ZNF521: variants seen among roughly 807,000 people sequenced by gnomAD.
ZNF521 encodes zinc finger protein 521.
A neutral mutation model predicts 105.5 loss-of-function variants in ZNF521; 14 were observed. That is an observed-to-expected ratio of 0.13 (90% confidence interval 0.09 to 0.21). The LOEUF (loss-of-function observed/expected upper bound fraction) is 0.21, where lower values mean the gene tolerates loss of function less well. Among genes scored for constraint, ZNF521 ranks in the 10% least tolerant of loss-of-function variants. ZNF521 has a pLI of 1.00. For synonymous variants in ZNF521, 635 were observed against 606.0 expected (o/e 1.05, Z -0.70); for missense variants, 1,233 against 1,629.7 (o/e 0.76, Z 4.19).
At chr18:25,196,223 T>C (rs544132635) in intron 4 of ZNF521, among the ~76,000 whole-genome samples, 4 of 151,742 alleles carry the variant, frequency 2.6e-5, no homozygotes, top group East Asian at 1.9e-4. Context: ...AATCCATTTT[T>C]AAAATTTCCC....
intron 1 of ZNF521, 52 bp from the exon 2 acceptor site, chr18:25,350,999 C>T: frequency 2.1e-6 from 3 of 1,451,550 alleles, no homozygotes; most frequent in South Asian, 1.3e-5. Flanking sequence ...AGAAACTATA[C>T]TTCCTCGTGG....
intron 2 of ZNF521, chr18:25,322,410 C>G (rs1231141312): frequency 1.1e-5 from 7 of 619,968 alleles, no homozygotes; most frequent in Non-Finnish European, 2.1e-5. Flanking sequence ...CCATGTAGCC[C>G]TTTTCCTCTC....
intron 5 of ZNF521, among the ~76,000 whole-genome samples, chr18:25,169,722 A>G (rs1263653006): frequency 1.3e-5 from 2 of 152,140 alleles, no homozygotes; most frequent in African/African-American, 4.8e-5. Flanking sequence ...TGCTTCTAGG[A>G]TACTGAAATG....
intron 3 of ZNF521, among the ~76,000 whole-genome samples, chr18:25,317,622 C>T (rs774630968): frequency 6.6e-5 from 10 of 152,248 alleles, no homozygotes; most frequent in Admixed American, 4.6e-4. Flanking sequence ...GCTGATTCTA[C>T]GTGAGCAAAG....
At chr18:25,253,062 ATTTCACTT>A (rs1466189795) in intron 3 of ZNF521, among the ~76,000 whole-genome samples, 1 of 152,166 alleles carries the variant, frequency 6.6e-6, no homozygotes, top group Non-Finnish European at 1.5e-5. Context: ...GAGTTATTTA[ATTTCACTT>A]TAACTTCTGT....
intron 5 of ZNF521, among the ~76,000 whole-genome samples, chr18:25,100,773 C>T (rs1410203775): frequency 6.6e-6 from 1 of 152,024 alleles, no homozygotes; most frequent in Non-Finnish European, 1.5e-5. Flanking sequence ...TTCTTCTAAT[C>T]AAACGATGCC....
intron 3 of ZNF521, among the ~76,000 whole-genome samples, chr18:25,290,492 A>G (rs975442351): frequency 2.6e-5 from 4 of 152,208 alleles, no homozygotes; most frequent in African/African-American, 9.7e-5. Context: ...ACTGACTGCA[A>G]ATGAGTAGAC....
intron 4 of ZNF521, among the ~76,000 whole-genome samples, chr18:25,215,386 G>A (rs2036262170): frequency 6.6e-6 from 1 of 152,168 alleles, no homozygotes; most frequent in Non-Finnish European, 1.5e-5. Context: ...GTGGTAGGTA[G>A]AGCAACACCG....
intron 7 of ZNF521, among the ~76,000 whole-genome samples, chr18:25,077,817 A>G (rs1434416308): frequency 1.3e-5 from 2 of 152,186 alleles, no homozygotes; most frequent in Non-Finnish European, 2.9e-5. Context: ...AAAAAAGAGG[A>G]AGACAACGAA....
At chr18:25,232,867 C>T (rs1487712197) in intron 3 of ZNF521, among the ~76,000 whole-genome samples, 1 of 152,116 alleles carries the variant, frequency 6.6e-6, no homozygotes, top group Non-Finnish European at 1.5e-5. Flanking sequence ...CAGGTTTCCC[C>T]CCACTTGCCT....
At chr18:25,127,384 T>A (rs563882592) in intron 5 of ZNF521, among the ~76,000 whole-genome samples, 1 of 152,126 alleles carries the variant, frequency 6.6e-6, no homozygotes, top group South Asian at 2.1e-4. Context: ...ATTAAGCACT[T>A]ACTATATGCC....
intron 3 of ZNF521, among the ~76,000 whole-genome samples, chr18:25,283,932 C>A (rs559182516): frequency 1.9e-4 from 27 of 142,800 alleles, no homozygotes; most frequent in African/African-American, 5.5e-4. Flanking sequence ...TCCCCCCCCC[C>A]CAAAAAAATT....
At chr18:25,074,828 C>G (rs1256556834) in intron 7 of ZNF521, among the ~76,000 whole-genome samples, 1 of 152,098 alleles carries the variant, frequency 6.6e-6, no homozygotes, top group African/African-American at 2.4e-5. Flanking sequence ...TTTCCTCACC[C>G]CTTATGGTGC....
chr18:25,349,508 C>T (rs1473240461), intron 2 of ZNF521, among the ~76,000 whole-genome samples: 2 of 152,208 alleles, frequency 1.3e-5, no homozygotes, highest in Admixed American at 6.5e-5. Flanking sequence ...GAGGCCCTCC[C>T]CCACCCCGTC....
At chr18:25,238,117 G>C (rs572890156) in intron 3 of ZNF521, among the ~76,000 whole-genome samples, 3 of 152,114 alleles carry the variant, frequency 2.0e-5, no homozygotes, top group Non-Finnish European at 2.9e-5. Flanking sequence ...TTGGCTCTAC[G>C]TATTAGAAAA....
At position 25,190,746 on chromosome 18, in the gene ZNF521, C is replaced by T. The variant is rs377143187; in HGVS notation, c.3658+4414G>A. The stretch of plus-strand genomic sequence containing the variant: ...GAATGCCACCTGCCACAAGAACAGA[C>T]TAAAATTTCACCACACTGTTAAGAA... On this transcript the variant is annotated intron_variant, in intron 5 of 7. Coordinates refer to ENST00000361524, the MANE Select transcript of ZNF521 (RefSeq NM_015461.3). Among the ~76,000 whole-genome samples the T allele has an allele frequency of 7.9e-5, 12 of 152,304 alleles. No homozygotes were observed. In the East Asian group the frequency reaches 1.7e-3, roughly 22 times the overall value.
chr18:25,125,722 GCTT>G (rs2034526986), intron 5 of ZNF521, among the ~76,000 whole-genome samples: 1 of 70,336 alleles, frequency 1.4e-5, no homozygotes, highest in East Asian at 2.7e-4. Context: ...TTTCAAAACT[GCTT>G]TTTTTTTTTT....
chr18:25,125,427 G>C (rs35473451), intron 5 of ZNF521, among the ~76,000 whole-genome samples: 1 of 151,962 alleles, frequency 6.6e-6, no homozygotes, highest in African/African-American at 2.4e-5. Flanking sequence ...CAGATATCAA[G>C]ACATACCTCA....
At chr18:25,069,341 A>T (rs2033156635) in intron 7 of ZNF521, among the ~76,000 whole-genome samples, 1 of 152,192 alleles carries the variant, frequency 6.6e-6, no homozygotes, top group Non-Finnish European at 1.5e-5. Flanking sequence ...GTGACCTTTA[A>T]GCATCTTAAT....
Sources: gnomAD v4.1 joint callset for allele counts (sites outside exome capture counted in the v4.1 genomes callset) on GRCh38, gnomAD v4.1.1 for gene constraint, MANE v1.5 for transcripts, NCBI Gene and HGNC (gene_info 2026-07-23, HGNC 2026-07-21) for gene names.